The following TAFA5 variants were observed in gnomAD, a reference collection of about 807,000 sequenced individuals.
TAFA5 encodes the protein TAFA chemokine like family member 5.
In TAFA5, 6 loss-of-function variants were observed where a neutral mutation model predicts 15.3. That is an observed-to-expected ratio of 0.39 (90% CI 0.21 to 0.77). The LOEUF (loss-of-function observed/expected upper bound fraction) is 0.77. TAFA5 is among the 30% of genes least tolerant of loss of function. TAFA5 has a pLI of 0.41. For missense variants in TAFA5, 161 were observed against 193.1 expected, an observed-to-expected ratio of 0.83 and a Z score of 0.98; for synonymous variants, 103 against 80.7, an observed-to-expected ratio of 1.28 and a Z score of -1.48.
At position 48,490,757 on chromosome 22, in the gene TAFA5, T is replaced by G. The variant is rs1601830335; in HGVS notation, c.112+1053T>G. ...GAATTGCCATGGGCGCGGGAGGTGA[T>G]GGAAAAATATGGATTCTTTACAAAA... On this transcript the variant is annotated intron_variant, in intron 1 of 3. Coordinates refer to ENST00000402357, the MANE Select transcript of TAFA5 (RefSeq NM_001082967.3). This position sits in a 1 kb window ranked among gnomAD's most constrained non-coding sequence, Gnocchi z 5.8. Among the ~76,000 whole-genome samples the G allele has an allele frequency of 2.1e-5, 2 of 96,274 alleles. No individual in the cohort carries two copies. The highest frequency in any genetic ancestry group is 2.0e-5 in the Non-Finnish European group (1 of 51,136). 63.2% of individuals were successfully genotyped at this position (96,274 alleles called of 152,430 possible).
intron 2 of TAFA5, among the ~76,000 whole-genome samples, chr22:48,660,924 G>A (rs6587324): frequency 0.67 from 101,935 of 151,082 alleles, 35,084 homozygotes; most frequent in South Asian, 0.82. Context: ...ACCCAGGGCC[G>A]GCTGCTGGAA....
intron 1 of TAFA5, among the ~76,000 whole-genome samples, chr22:48,540,629 T>C (rs1187084062): frequency 6.6e-6 from 1 of 151,810 alleles, no homozygotes; most frequent in Non-Finnish European, 1.5e-5. Context: ...GCATCTTTTG[T>C]TTTTCATGAA....
At chr22:48,545,441 G>A (rs192961028) in intron 1 of TAFA5, 4 of 178,612 alleles carry the variant, frequency 2.2e-5, no homozygotes, top group Admixed American at 2.1e-4. Flanking sequence ...AATGCCTAGT[G>A]GATAGCGCAG....
chr22:48,609,185 G>A (rs560208290), intron 1 of TAFA5, among the ~76,000 whole-genome samples: 1 of 152,336 alleles, frequency 6.6e-6, no homozygotes, highest in Non-Finnish European at 1.5e-5. Context: ...ACCTCTACTT[G>A]GGTGGGAAAT....
chr22:48,515,558 G>A (rs920462880), intron 1 of TAFA5, among the ~76,000 whole-genome samples: 1 of 151,986 alleles, frequency 6.6e-6, no homozygotes, highest in African/African-American at 2.4e-5. Flanking sequence ...CCATCTGCTC[G>A]TCTGCTCTCC....
chr22:48,600,149 G>A (rs371526840), intron 1 of TAFA5, among the ~76,000 whole-genome samples: 6 of 151,844 alleles, frequency 4.0e-5, no homozygotes, highest in Non-Finnish European at 7.4e-5. Flanking sequence ...TTTACCATTC[G>A]CTGTCACAGC....
At chr22:48,666,601 G>A (rs1011522083) in intron 2 of TAFA5, among the ~76,000 whole-genome samples, 1 of 51,720 alleles carries the variant, frequency 1.9e-5, no homozygotes, top group African/African-American at 8.6e-5. Context: ...TGACCAGCCA[G>A]CATCCACAGT....
At chr22:48,724,371 G>T (rs1383286713) in intron 3 of TAFA5, among the ~76,000 whole-genome samples, 1 of 152,182 alleles carries the variant, frequency 6.6e-6, no homozygotes, top group African/African-American at 2.4e-5. Flanking sequence ...ATGAGTGGGG[G>T]ATTGCAGCTT....
chr22:48,583,425 A>G (rs1569034904), intron 1 of TAFA5, among the ~76,000 whole-genome samples: 1 of 150,720 alleles, frequency 6.6e-6, no homozygotes, highest in Non-Finnish European at 1.5e-5. Flanking sequence ...CCACACACAC[A>G]CCACACACAC....
At chr22:48,558,258 G>A (rs905892996) in intron 1 of TAFA5, among the ~76,000 whole-genome samples, 7 of 152,268 alleles carry the variant, frequency 4.6e-5, no homozygotes, top group East Asian at 1.9e-4. Context: ...GCTGGGAGCC[G>A]GCAAATCATC....
Position 48,681,370 on chromosome 22 carries a change from C to T in TAFA5, c.263-26347C>T, listed in dbSNP as rs948095678. ...TAAAAACCAGAGATGAGGCCGGGTG[C>T]GGTGGCTCACACCTGTAATCCTAGC... On this transcript the variant is annotated intron_variant, in intron 2 of 3. Coordinates refer to ENST00000402357, the MANE Select transcript of TAFA5 (RefSeq NM_001082967.3). Among the ~76,000 whole-genome samples, 14 of 151,948 alleles carry T rather than the reference C, an allele frequency of 9.2e-5. No individual in the cohort carries two copies. In the East Asian group the frequency reaches 9.7e-4, roughly 11 times the overall value.
intron 3 of TAFA5, among the ~76,000 whole-genome samples, chr22:48,712,820 T>A (rs1328767115): frequency 6.6e-6 from 1 of 152,232 alleles, no homozygotes; most frequent in Non-Finnish European, 1.5e-5. Context: ...GCTCTGCCTC[T>A]GCCTTCCTCT....
intron 1 of TAFA5, among the ~76,000 whole-genome samples, chr22:48,499,850 G>A (rs1466570360): frequency 6.6e-6 from 1 of 152,172 alleles, no homozygotes; most frequent in African/African-American, 2.4e-5. Flanking sequence ...CTGGGGCGTG[G>A]AGTGTGCTTC....
At position 48,646,834 on chromosome 22, in the gene TAFA5, A is replaced by G. The variant is rs1230047111; in HGVS notation, c.262+88A>G. ...TTCCCTGACGCGGCCCCTTACCTGAAGGTCCCCCTAGGCCTCAGCGCATCC... is the reference window on the plus strand; with the variant it reads ...TTCCCTGACGCGGCCCCTTACCTGAGGGTCCCCCTAGGCCTCAGCGCATCC... On this transcript the variant is annotated intron_variant, in intron 2 of 3. Transcript: ENST00000402357. 9 of 1,447,812 alleles carry G rather than the reference A, an allele frequency of 6.2e-6. No individual in the cohort carries two copies. The Admixed American group carries it at 6.3e-5, about 10-fold the overall frequency. The allele number at this position is 1,447,812 out of a possible 1,614,324, so 89.7% of individuals were successfully genotyped here.
intron 1 of TAFA5, among the ~76,000 whole-genome samples, chr22:48,548,906 C>A (rs571119411): frequency 2.6e-5 from 4 of 152,354 alleles, no homozygotes; most frequent in African/African-American, 9.6e-5. Flanking sequence ...CATTTGGTTT[C>A]ACTGAACTCA....
chr22:48,583,971 C>T (rs1924216693), intron 1 of TAFA5, among the ~76,000 whole-genome samples: 1 of 142,252 alleles, frequency 7.0e-6, no homozygotes, highest in African/African-American at 2.6e-5. Flanking sequence ...ACAAAATATA[C>T]CACACACACC....
At chr22:48,700,529 G>A (rs1928872220) in intron 2 of TAFA5, among the ~76,000 whole-genome samples, 1 of 152,244 alleles carries the variant, frequency 6.6e-6, no homozygotes, top group African/African-American at 2.4e-5. Flanking sequence ...GGGTCTGGGG[G>A]TGCCCCTTGG....
chr22:48,608,743 C>T (rs969846762), intron 1 of TAFA5, among the ~76,000 whole-genome samples: 104 of 152,280 alleles, frequency 6.8e-4, no homozygotes, highest in African/African-American at 2.3e-3. Context: ...TGCAGAGTGC[C>T]GTGGAGGGGC....
intron 1 of TAFA5, among the ~76,000 whole-genome samples, chr22:48,606,123 A>C (rs1925185477): frequency 6.6e-6 from 1 of 152,138 alleles, no homozygotes; most frequent in African/African-American, 2.4e-5. Flanking sequence ...CAAGAGCCCC[A>C]TGAGAGTCAG....
Sources: allele counts gnomAD v4.1 joint callset (sites outside exome capture counted in the v4.1 genomes callset), GRCh38; gene constraint gnomAD v4.1.1; non-coding constraint Gnocchi (gnomAD v3.1); transcripts MANE v1.5; gene names NCBI Gene and HGNC (gene_info 2026-07-23, HGNC 2026-07-21).